SEC61A2: variants seen among roughly 807,000 people sequenced by gnomAD.
SEC61A2 encodes the protein protein transport protein Sec61 subunit alpha isoform 2.
In SEC61A2, 28 loss-of-function variants were observed where a neutral mutation model predicts 59.9. The observed-to-expected ratio is 0.47, with a 90% CI of 0.35 to 0.64. The LOEUF is 0.64. SEC61A2 is among the 30% of genes least tolerant of loss of function. The pLI is 0.01. For missense variants in SEC61A2, 340 were observed against 585.9 expected, an observed-to-expected ratio of 0.58 and a Z score of 4.33; for synonymous variants, 202 against 214.4, an observed-to-expected ratio of 0.94 and a Z score of 0.50.
chr10:12,168,950 A>T (rs1834782200), downstream of SEC61A2, among the ~76,000 whole-genome samples: 1 of 151,870 alleles, frequency 6.6e-6, no homozygotes. The surrounding 1 kb of genome is among the most constrained non-coding windows in gnomAD (Gnocchi z 4.8). Flanking sequence ...TTTAGTAGAG[A>T]TGGGGTTTTA....
rs918552237 is a variant in SEC61A2, at chr10:12,165,198, C to G, written c.*744C>G. The stretch of plus-strand genomic sequence containing the variant: ...TCTTTCAAGATTCTGGGCCCCGATT[C>G]TTTTCTGTTTAAATCCCTAAAGCAA... On this transcript the variant is annotated 3_prime_UTR_variant, in exon 12 of 12. Coordinates refer to ENST00000298428, the MANE Select transcript of SEC61A2 (RefSeq NM_018144.4). 4 of 985,410 alleles carry G rather than the reference C, an allele frequency of 4.1e-6. No individual in the cohort carries two copies. Among genetic ancestry groups the G allele is most frequent in the Non-Finnish European group, 4.8e-6 (4 of 829,908 alleles). The allele number at this position is 985,410 out of a possible 1,614,324, so 61.0% of individuals were successfully genotyped here.
At chr10:12,167,851 A>G (rs746190429), downstream of SEC61A2, 2 of 1,610,418 alleles carry the variant, frequency 1.2e-6, no homozygotes, top group Non-Finnish European at 1.7e-6. Flanking sequence ...CATGCCGTTA[A>G]GGAAGGACAA....
At chr10:12,132,289 A>C (rs1373859869) in intron 1 of SEC61A2, among the ~76,000 whole-genome samples, 2 of 150,504 alleles carry the variant, frequency 1.3e-5, no homozygotes, top group Non-Finnish European at 3.0e-5. Flanking sequence ...CCACAGAGGG[A>C]GAATCCGTCT....
chr10:12,144,397 G>A (rs1177669758), intron 4 of SEC61A2, among the ~76,000 whole-genome samples: 1 of 152,052 alleles, frequency 6.6e-6, no homozygotes, highest in Non-Finnish European at 1.5e-5. Flanking sequence ...CTGCTACTTT[G>A]TTTACTTAAT....
chr10:12,132,394 G>A (rs1467182280), intron 1 of SEC61A2, among the ~76,000 whole-genome samples: 1 of 151,926 alleles, frequency 6.6e-6, no homozygotes, highest in South Asian at 2.1e-4. Flanking sequence ...TGGGAGGATC[G>A]CTTGACGTTA....
rs547629727 is a variant in SEC61A2 at position 12,159,898 on chromosome 10, TA to T, written c.976-1024del. On this transcript the variant is annotated intron_variant, in intron 9 of 11. Transcript: ENST00000298428. Reference sequence around the variant, plus strand: ...CTTTCTGCTTTTACTGAATGTCATTTAAAAAAAAGGTTTTTTTAAGATAATA... The same window carrying T: ...CTTTCTGCTTTTACTGAATGTCATTTAAAAAAAGGTTTTTTTAAGATAATA... Among the ~76,000 whole-genome samples, 224 of 152,072 alleles carry T rather than the reference TA, an allele frequency of 1.5e-3. 2 individuals carry two copies. The highest frequency in any genetic ancestry group is 5.1e-3 in the African/African-American group (211 of 41,484).
upstream of SEC61A2, chr10:12,129,650 G>A: frequency 3.7e-6 from 3 of 804,432 alleles, no homozygotes; most frequent in Non-Finnish European, 5.6e-6. This position sits in a 1 kb window ranked among gnomAD's most constrained non-coding sequence, Gnocchi z 5.6. Context: ...GAAGGGCGGA[G>A]TCTGCGCGGG....
Position 12,129,733 on chromosome 10 carries a change from G to A in SEC61A2, c.-55G>A. ...TACCGAGGCCCGAGCCGCGGGAGTC[G>A]AGCGAAGGCAGCGCCGAGGCCGCGG... On this transcript the variant is annotated 5_prime_UTR_variant, in exon 1 of 12. Coordinates refer to ENST00000298428, the MANE Select transcript of SEC61A2 (RefSeq NM_018144.4). The surrounding 1 kb of genome is among the most constrained non-coding windows in gnomAD (Gnocchi z 5.6). 1 of 1,479,658 alleles carries A rather than the reference G, an allele frequency of 6.8e-7. No homozygotes were observed. The highest frequency in any genetic ancestry group is 2.9e-5 in the East Asian group (1 of 33,964). The allele number at this position is 1,479,658 out of a possible 1,614,324, so 91.7% of individuals were successfully genotyped here.
chr10:12,157,489 C>T (rs146428561), intron 8 of SEC61A2, among the ~76,000 whole-genome samples: 5,345 of 145,978 alleles, frequency 0.037, 308 homozygotes, highest in African/African-American at 0.13. Flanking sequence ...GCACGTGCCA[C>T]CACGCCCGGC....
chr10:12,169,202 A>T (rs1834789615), downstream of SEC61A2: 1 of 1,187,456 alleles, frequency 8.4e-7, no homozygotes, highest in Non-Finnish European at 1.2e-6. This position sits in a 1 kb window ranked among gnomAD's most constrained non-coding sequence, Gnocchi z 4.8. Flanking sequence ...TTATAGCCAT[A>T]GTAGCCCTCT....
In SEC61A2 at chr10:12,162,494, C is replaced by T. The variant is rs1834555040; in HGVS notation, c.1244+205C>T. On this transcript the variant is annotated intron_variant, in intron 11 of 11. Transcript: ENST00000298428. This position sits in a 1 kb window ranked among gnomAD's most constrained non-coding sequence, Gnocchi z 6.1. ...AAATTGTGAGCACTGCTCTGCTCAT[C>T]CCAGTGATAAAATCTTGCAGATCAG... 2.7e-6 allele frequency: 2 copies of T among 732,222 alleles called. No individual in the cohort carries two copies. Among genetic ancestry groups the T allele is most frequent in the African/African-American group, 1.7e-5 (1 of 58,340 alleles). 45.4% of individuals were successfully genotyped at this position (732,222 alleles called of 1,614,324 possible).
chr10:12,132,474 C>T (rs376769452), intron 1 of SEC61A2, among the ~76,000 whole-genome samples: 34 of 151,854 alleles, frequency 2.2e-4, no homozygotes, highest in African/African-American at 8.0e-4. Flanking sequence ...ATTAGCTGGG[C>T]TTGGTGGCAC....
intron 3 of SEC61A2, among the ~76,000 whole-genome samples, chr10:12,141,374 A>C (rs1321781571): frequency 6.6e-6 from 1 of 152,188 alleles, no homozygotes; most frequent in African/African-American, 2.4e-5. Flanking sequence ...TAACTTTCTT[A>C]AAAATCAGTT....
At chr10:12,151,037 A>G (rs1472768749) in intron 6 of SEC61A2, among the ~76,000 whole-genome samples, 1 of 151,602 alleles carries the variant, frequency 6.6e-6, no homozygotes, top group Non-Finnish European at 1.5e-5. Context: ...GGCCTCCCAA[A>G]GTGCTGGGAT....
In SEC61A2 at chr10:12,156,069, T is replaced by A. The variant is rs2131675573; in HGVS notation, c.616+138T>A. The A allele has an allele frequency of 1.2e-6, 1 of 815,682 alleles. No individual in the cohort carries two copies. The highest frequency in any genetic ancestry group is 2.0e-6 in the Non-Finnish European group (1 of 504,912). 50.5% of individuals were successfully genotyped at this position (815,682 alleles called of 1,614,324 possible). ...TAAGGAATGCGAATTCTTCAAAACT[T>A]AATGAGCAGAGATTTGTGGAGTAAG... On this transcript the variant is annotated intron_variant, in intron 7 of 11. Coordinates refer to ENST00000298428, the MANE Select transcript of SEC61A2 (RefSeq NM_018144.4). The surrounding 1 kb of genome is among the most constrained non-coding windows in gnomAD (Gnocchi z 5.2).
chr10:12,144,438 T>C (rs1834093024), intron 4 of SEC61A2, among the ~76,000 whole-genome samples: 1 of 152,238 alleles, frequency 6.6e-6, no homozygotes, highest in South Asian at 2.1e-4. Flanking sequence ...GGCCATGTTA[T>C]TATTCCATTA....
chr10:12,155,484 A>G lies in SEC61A2; in HGVS notation c.463-294A>G, dbSNP rs1485084628. 2 of 800,388 alleles carry G rather than the reference A, an allele frequency of 2.5e-6. No homozygotes were observed. The highest frequency in any genetic ancestry group is 3.8e-6 in the Non-Finnish European group (2 of 528,084). 49.6% of individuals were successfully genotyped at this position (800,388 alleles called of 1,614,324 possible). A position where few individuals can be genotyped will look rare whatever the true frequency, so the allele number is the denominator to read the frequency against. On this transcript the variant is annotated intron_variant, in intron 6 of 11. Transcript: ENST00000298428. This position sits in a 1 kb window ranked among gnomAD's most constrained non-coding sequence, Gnocchi z 4.3. The stretch of plus-strand genomic sequence containing the variant: ...CATTTTTTGTTTCAGTGTGCTTTTC[A>G]AACAGGCTTTATTTAAACATTGCAA...
chr10:12,169,934 AC>A, downstream of SEC61A2: 2 of 574,088 alleles, frequency 3.5e-6, no homozygotes, highest in Admixed American at 6.3e-5. This position sits in a 1 kb window ranked among gnomAD's most constrained non-coding sequence, Gnocchi z 4.8. Flanking sequence ...AAACACTTAT[AC>A]CCAATAAAAT....
rs1564409475 is a variant in SEC61A2, at chr10:12,142,410, G to A, written c.142-707G>A. 4 of 394,460 alleles carry A rather than the reference G, an allele frequency of 1.0e-5. No homozygotes were observed. The highest frequency in any genetic ancestry group is 6.9e-6 in the Non-Finnish European group (2 of 290,102). The allele number at this position is 394,460 out of a possible 1,614,324, so 24.4% of individuals were successfully genotyped here. ...TTTTATATTTAGTTTTATGACATAAGTACTTCTTCCATGTTATTACAGATT... is the reference window on the plus strand; with the variant it reads ...TTTTATATTTAGTTTTATGACATAAATACTTCTTCCATGTTATTACAGATT... On this transcript the variant is annotated intron_variant, in intron 3 of 11. Transcript: ENST00000298428. The surrounding 1 kb of genome is among the most constrained non-coding windows in gnomAD (Gnocchi z 5.4).
Sources: allele counts gnomAD v4.1 joint callset (sites outside exome capture counted in the v4.1 genomes callset), GRCh38; gene constraint gnomAD v4.1.1; non-coding constraint Gnocchi (gnomAD v3.1); transcripts MANE v1.5; gene names NCBI Gene and HGNC (gene_info 2026-07-23, HGNC 2026-07-21).